Variants in CCDC178 observed in about 807,000 individuals in gnomAD.
CCDC178 encodes coiled-coil domain containing 178, also known as coiled-coil domain-containing protein 178.
Under a neutral mutation model 117.4 loss-of-function variants are expected in CCDC178, and 126 were observed. The observed-to-expected ratio is 1.07, with a 90% CI of 0.93 to 1.24. CCDC178 has a LOEUF of 1.24. CCDC178 is among the 50% of genes most tolerant of loss of function. The pLI, the probability that CCDC178 is intolerant of heterozygous loss-of-function variation, is 0.00. For missense variants in CCDC178, 1,030 were observed against 986.9 expected, an observed-to-expected ratio of 1.04 and a Z score of -0.59; for synonymous variants, 283 against 313.4, an observed-to-expected ratio of 0.90 and a Z score of 1.02.
Position 33,189,062 on chromosome 18 carries a change from T to C in CCDC178, c.2238+22834A>G, listed in dbSNP as rs146568285. ...ATTGATTATGACTTTCAAAGAGAAA[T>C]TGAGCCACTACTACTTAATGCAAGT... On this transcript the variant is annotated intron_variant, in intron 20 of 22. Coordinates refer to ENST00000383096, the MANE Select transcript of CCDC178 (RefSeq NM_001105528.4). Among the ~76,000 whole-genome samples, 289 of 152,244 alleles carry C rather than the reference T, an allele frequency of 1.9e-3. 1 individual carries two copies. The highest frequency in any genetic ancestry group is 6.5e-3 in the African/African-American group (269 of 41,548).
chr18:33,002,748 T>C (rs2055665354), intron 21 of CCDC178, among the ~76,000 whole-genome samples: 1 of 151,654 alleles, frequency 6.6e-6, no homozygotes, highest in African/African-American at 2.4e-5. Context: ...AAAGTTGGTG[T>C]TTTGAAAAGA....
At chr18:33,372,327 A>G (rs2063311042) in intron 5 of CCDC178, among the ~76,000 whole-genome samples, 1 of 152,134 alleles carries the variant, frequency 6.6e-6, no homozygotes, top group African/African-American at 2.4e-5. Context: ...ATATAATCAA[A>G]AGACAGCTGA....
chr18:33,044,097 A>G (rs537255785), intron 21 of CCDC178, among the ~76,000 whole-genome samples: 5 of 150,992 alleles, frequency 3.3e-5, no homozygotes, highest in African/African-American at 1.2e-4. Context: ...TTGTGTGTGT[A>G]TGTATGTATA....
chr18:33,365,475 A>G (rs2063190397), intron 6 of CCDC178, among the ~76,000 whole-genome samples: 1 of 152,060 alleles, frequency 6.6e-6, no homozygotes, highest in Non-Finnish European at 1.5e-5. Flanking sequence ...CAGCCTCTGA[A>G]ATCATTTTCC....
intron 14 of CCDC178, among the ~76,000 whole-genome samples, chr18:33,247,062 T>C (rs1039353943): frequency 5.0e-5 from 7 of 139,738 alleles, no homozygotes; most frequent in Non-Finnish European, 9.3e-5. Flanking sequence ...TGTGTATATA[T>C]GTAAGTGTGT....
At chr18:33,093,002 A>T (rs971124142) in intron 20 of CCDC178, 92 bp from the exon 21 acceptor site, 3 of 783,618 alleles carry the variant, frequency 3.8e-6, no homozygotes, top group Non-Finnish European at 5.8e-6. Context: ...TACATCTTTT[A>T]AATTATCTAA....
chr18:33,210,327 A>G (rs1404013069), intron 20 of CCDC178, among the ~76,000 whole-genome samples: 1 of 151,932 alleles, frequency 6.6e-6, no homozygotes, highest in African/African-American at 2.4e-5. Context: ...AGACCATATA[A>G]TGCTTCCAAG....
intron 22 of CCDC178, among the ~76,000 whole-genome samples, chr18:32,963,277 T>C (rs2054744815): frequency 6.6e-6 from 1 of 152,052 alleles, no homozygotes; most frequent in Non-Finnish European, 1.5e-5. Context: ...ACTTCTCTGC[T>C]TTGAGCTGCT....
intron 21 of CCDC178, among the ~76,000 whole-genome samples, chr18:33,088,070 A>G (rs1050207528): frequency 3.3e-5 from 5 of 152,136 alleles, no homozygotes; most frequent in African/African-American, 7.2e-5. Flanking sequence ...GGGTGAAGAA[A>G]GGATGCTGGA....
At chr18:33,119,766 C>T (rs554854041) in intron 20 of CCDC178, among the ~76,000 whole-genome samples, 301 of 152,226 alleles carry the variant, frequency 2.0e-3, no homozygotes, top group Non-Finnish European at 3.7e-3. Flanking sequence ...TTCACAATAG[C>T]GAAGTCTTGG....
chr18:33,358,209 T>C (rs765096648), intron 6 of CCDC178, among the ~76,000 whole-genome samples: 2 of 151,972 alleles, frequency 1.3e-5, no homozygotes, highest in Non-Finnish European at 2.9e-5. Context: ...GACCAAATAA[T>C]GAAAAAGACT....
intron 3 of CCDC178, among the ~76,000 whole-genome samples, chr18:33,406,203 G>A (rs932432412): frequency 5.9e-5 from 9 of 152,154 alleles, no homozygotes; most frequent in African/African-American, 2.2e-4. Flanking sequence ...AACTTTATGA[G>A]TCTTATTTGT....
chr18:33,147,356 A>ATTTTTTTTT lies in CCDC178; in HGVS notation c.2239-54455_2239-54447dup, dbSNP rs575608507. Among the ~76,000 whole-genome samples the ATTTTTTTTT allele has an allele frequency of 1.4e-3, 133 of 94,598 alleles. 1 individual carries two copies. Among genetic ancestry groups the ATTTTTTTTT allele is most frequent in the African/African-American group, 5.5e-3 (118 of 21,306 alleles). The allele number at this position is 94,598 out of a possible 152,430, so 62.1% of individuals were successfully genotyped here. On this transcript the variant is annotated intron_variant, in intron 20 of 22. Transcript: ENST00000383096. ...CTACTCCTGCAAGCTTGCCTTTTTA[A>ATTTTTTTTT]TTTTTTTTTTTTTTTTTTTTTTTTT...
chr18:33,285,857 A>T (rs978402173), intron 12 of CCDC178, among the ~76,000 whole-genome samples: 1 of 152,180 alleles, frequency 6.6e-6, no homozygotes, highest in Non-Finnish European at 1.5e-5. Flanking sequence ...ACTTCTTTAA[A>T]ATAAAAGATA....
intron 20 of CCDC178, among the ~76,000 whole-genome samples, chr18:33,125,936 C>T (rs1451708351): frequency 6.6e-6 from 1 of 152,172 alleles, no homozygotes; most frequent in African/African-American, 2.4e-5. Context: ...ATACAGGCCA[C>T]ATTAAGAAGT....
chr18:33,423,785 T>C (rs1054655965), intron 2 of CCDC178, among the ~76,000 whole-genome samples: 1 of 152,190 alleles, frequency 6.6e-6, no homozygotes, highest in Non-Finnish European at 1.5e-5. Flanking sequence ...CATCTATTGC[T>C]CAAATCCACA....
At chr18:33,207,976 A>G (rs1381604176) in intron 20 of CCDC178, among the ~76,000 whole-genome samples, 1 of 152,048 alleles carries the variant, frequency 6.6e-6, no homozygotes, top group Admixed American at 6.6e-5. Context: ...TGATCATTGA[A>G]GCACCGGATC....
intron 2 of CCDC178, among the ~76,000 whole-genome samples, chr18:33,423,163 G>A (rs1199812489): frequency 1.3e-5 from 2 of 151,908 alleles, no homozygotes; most frequent in Admixed American, 1.3e-4. Flanking sequence ...CTATAACCCG[G>A]CCTAAAAAAA....
In CCDC178 at chr18:33,333,333, A is replaced by G. The variant is rs149951846; in HGVS notation, c.720T>C (p.Asn240=). Residue 240 remains asparagine, a synonymous_variant, in exon 10 of 23, where the codon AAT becomes AAC. Coordinates refer to ENST00000383096, the MANE Select transcript of CCDC178 (RefSeq NM_001105528.4). ...ELQWHLEDKA[N]QLQHFEKQKT... Reference sequence around the variant, plus strand: ...TTTGTTTTTCAAAATGTTGTAGTTGATTAGCTTTATCTTCAAGATGCCATT... The same window carrying G: ...TTTGTTTTTCAAAATGTTGTAGTTGGTTAGCTTTATCTTCAAGATGCCATT... 1.3e-4 allele frequency: 206 copies of G among 1,612,568 alleles called. No individual in the cohort carries two copies. The African/African-American group carries it at 2.1e-3, about 17-fold the overall frequency.
Sources: gnomAD v4.1 joint callset for allele counts (sites outside exome capture counted in the v4.1 genomes callset) on GRCh38, gnomAD v4.1.1 for gene constraint, MANE v1.5 for transcripts, NCBI Gene and HGNC (gene_info 2026-07-23, HGNC 2026-07-21) for gene names.